The following UBASH3B variants were observed in gnomAD, a reference collection of about 807,000 sequenced individuals.
UBASH3B encodes ubiquitin associated and SH3 domain containing B, also known as ubiquitin-associated and SH3 domain-containing protein B.
UBASH3B carries 37 observed loss-of-function variants against 83.4 expected under a neutral mutation model. The observed-to-expected ratio is 0.44, with a 90% CI of 0.34 to 0.58. The LOEUF (loss-of-function observed/expected upper bound fraction) is 0.58. UBASH3B is among the 20% of genes least tolerant of loss of function. The pLI is 0.01. For missense variants in UBASH3B, 657 were observed against 827.2 expected (o/e 0.79, Z 2.52); for synonymous variants, 304 against 318.3 (o/e 0.96, Z 0.48).
intron 1 of UBASH3B, among the ~76,000 whole-genome samples, chr11:122,685,258 C>CG (rs2135913135): frequency 6.6e-6 from 1 of 152,270 alleles, no homozygotes; most frequent in African/African-American, 2.4e-5. Context: ...TCCCCACCCC[C>CG]GGGATGTAGC....
intron 1 of UBASH3B, among the ~76,000 whole-genome samples, chr11:122,772,593 C>A (rs973209231): frequency 6.6e-6 from 1 of 152,298 alleles, no homozygotes; most frequent in Middle Eastern, 3.4e-3. Context: ...TCCTTGCAAA[C>A]CTCCTTCAAG....
intron 12 of UBASH3B, among the ~76,000 whole-genome samples, chr11:122,807,641 C>T (rs545717508): frequency 7.6e-4 from 116 of 152,212 alleles, no homozygotes; most frequent in Admixed American, 2.7e-3. Flanking sequence ...GCCTCAATCT[C>T]CTGGGCTCAA....
chr11:122,728,759 A>G (rs1860787915), intron 1 of UBASH3B, among the ~76,000 whole-genome samples: 1 of 152,162 alleles, frequency 6.6e-6, no homozygotes. Flanking sequence ...CTCCCCTTAA[A>G]CAGTTTATCA....
chr11:122,658,007 C>T (rs556788338), intron 1 of UBASH3B, among the ~76,000 whole-genome samples: 5 of 152,062 alleles, frequency 3.3e-5, no homozygotes, highest in African/African-American at 1.2e-4. Flanking sequence ...GAAACCCTGT[C>T]TTTACTAAAA....
chr11:122,734,700 C>T (rs889638083), intron 1 of UBASH3B, among the ~76,000 whole-genome samples: 1 of 151,622 alleles, frequency 6.6e-6, no homozygotes, highest in Non-Finnish European at 1.5e-5. Context: ...TTCATTAAGG[C>T]AATTCCAGTA....
intron 1 of UBASH3B, among the ~76,000 whole-genome samples, chr11:122,713,035 G>C (rs1441018745): frequency 6.7e-6 from 1 of 150,166 alleles, no homozygotes; most frequent in South Asian, 2.1e-4. Flanking sequence ...AGCCTCCCGA[G>C]TAGCTGGGAC....
At chr11:122,707,125 T>A (rs1363463005) in intron 1 of UBASH3B, among the ~76,000 whole-genome samples, 1 of 152,048 alleles carries the variant, frequency 6.6e-6, no homozygotes, top group Non-Finnish European at 1.5e-5. Context: ...CTGGAGAAAA[T>A]TAAACATTAA....
chr11:122,770,916 C>T (rs183336846), intron 1 of UBASH3B, among the ~76,000 whole-genome samples: 6 of 152,204 alleles, frequency 3.9e-5, no homozygotes, highest in African/African-American at 1.4e-4. Flanking sequence ...CAGCATCCAG[C>T]TTATCTCTCT....
At chr11:122,723,046 A>G (rs1239596959) in intron 1 of UBASH3B, among the ~76,000 whole-genome samples, 1 of 152,202 alleles carries the variant, frequency 6.6e-6, no homozygotes, top group East Asian at 1.9e-4. Flanking sequence ...TAATACTGCC[A>G]GCCTTTGCAC....
intron 1 of UBASH3B, among the ~76,000 whole-genome samples, chr11:122,702,567 G>A (rs1012030418): frequency 1.3e-5 from 2 of 150,952 alleles, no homozygotes; most frequent in Non-Finnish European, 2.9e-5. Context: ...TCTTGTCGCC[G>A]AGGCTGGAGT....
At chr11:122,740,253 G>A (rs1861003043) in intron 1 of UBASH3B, among the ~76,000 whole-genome samples, 1 of 152,214 alleles carries the variant, frequency 6.6e-6, no homozygotes, top group Admixed American at 6.5e-5. Flanking sequence ...TATCATGCAG[G>A]TGGGAATTGG....
intron 1 of UBASH3B, among the ~76,000 whole-genome samples, chr11:122,696,341 C>CTTTTTTT (rs10632310): frequency 0.24 from 34,482 of 145,812 alleles, 5,733 homozygotes; most frequent in African/African-American, 0.46. Flanking sequence ...TTTCTTTTTT[C>CTTTTTTT]TTTTTGTTTT....
At chr11:122,776,105 A>G in intron 1 of UBASH3B, 114 bp from the exon 2 acceptor site, 1 of 905,018 alleles carries the variant, frequency 1.1e-6, no homozygotes. Flanking sequence ...TCCCCACCAC[A>G]GAGGATTGAG....
At chr11:122,745,724 C>T (rs1256255982) in intron 1 of UBASH3B, among the ~76,000 whole-genome samples, 1 of 152,190 alleles carries the variant, frequency 6.6e-6, no homozygotes, top group Non-Finnish European at 1.5e-5. Context: ...CCTGTGACCA[C>T]CTTGTGACTT....
In UBASH3B at chr11:122,783,060, T is replaced by G; in HGVS notation, c.609T>G (p.His203Gln). ...AAEAASKTEV[H>Q]VEPHKKQLHV... ...TTTTCTTCCTTTTTCCAGAAGTGCA[T>G]GTGGAACCTCATAAGAAGCAGCTAC... Residue 203 changes from histidine to glutamine, a missense_variant, in exon 5 of 14, where the codon CAT becomes CAG. Physicochemically the swap from His to Gln is conservative, Grantham distance 24. Transcript: ENST00000284273. 1 of 1,612,694 alleles carries G rather than the reference T, an allele frequency of 6.2e-7. No individual in the cohort carries two copies. Among genetic ancestry groups the G allele is most frequent in the Non-Finnish European group, 8.5e-7 (1 of 1,179,488 alleles).
intron 1 of UBASH3B, among the ~76,000 whole-genome samples, chr11:122,698,355 C>T (rs1863990324): frequency 1.3e-5 from 2 of 152,100 alleles, no homozygotes; most frequent in Non-Finnish European, 2.9e-5. Flanking sequence ...CAAAATCTTC[C>T]ATGCCCCTCA....
At position 122,689,273 on chromosome 11, in the gene UBASH3B, A is replaced by G. The variant is rs11218758; in HGVS notation, c.161+33063A>G. On this transcript the variant is annotated intron_variant, in intron 1 of 13. Coordinates refer to ENST00000284273, the MANE Select transcript of UBASH3B (RefSeq NM_032873.5). ...GGTTATTACTTCGCAATTTGCTGTC[A>G]ATTGTTTGTCTAAACATTTTTCTGT... 7.4e-3 allele frequency among the ~76,000 whole-genome samples: 1,125 copies of G among 152,326 alleles called. 38 individuals carry two copies. In the East Asian group the frequency reaches 0.11, roughly 15 times the overall value.
intron 1 of UBASH3B, 128 bp downstream of exon 1, chr11:122,656,338 G>C (rs1863362969): frequency 9.7e-7 from 1 of 1,026,780 alleles, no homozygotes; most frequent in South Asian, 4.1e-5. Context: ...GAGACCTGTT[G>C]GGGGCGGGAT....
At chr11:122,742,525 G>C (rs764738272) in intron 1 of UBASH3B, among the ~76,000 whole-genome samples, 18 of 152,212 alleles carry the variant, frequency 1.2e-4, no homozygotes, top group Non-Finnish European at 2.4e-4. Flanking sequence ...AAGCCAGTCT[G>C]GGCTTGTTTT....
Sources: gnomAD v4.1 joint callset for allele counts (sites outside exome capture counted in the v4.1 genomes callset) on GRCh38, gnomAD v4.1.1 for gene constraint, MANE v1.5 for transcripts, NCBI Gene and HGNC (gene_info 2026-07-23, HGNC 2026-07-21) for gene names.